INSL6: variants seen among roughly 807,000 people sequenced by gnomAD.
The protein encoded by INSL6 is insulin-like peptide INSL6.
Under a neutral mutation model 9.4 loss-of-function variants are expected in INSL6, and 16 were observed. The ratio of observed to expected loss-of-function variants is 1.70; its 90% CI spans 1.15 to 2.59. The LOEUF is 2.59. INSL6 is among the 30% of genes most tolerant of loss of function. The pLI, the probability that INSL6 is intolerant of heterozygous loss-of-function variation, is 0.00. For missense variants in INSL6, 391 were observed against 257.3 expected (o/e 1.52, Z -3.56); for synonymous variants, 154 against 96.9 (o/e 1.59, Z -3.46).
chr9:5,089,621 G>C, the INSL6 span: 1 of 603,726 alleles, frequency 1.7e-6, no homozygotes, highest in Non-Finnish European at 2.3e-6. Flanking sequence ...AAATTTATTT[G>C]TAATTTGCCT....
chr9:5,155,964 A>G (rs1460147765), intron 2 of INSL6, among the ~76,000 whole-genome samples: 3 of 152,196 alleles, frequency 2.0e-5, no homozygotes, highest in Non-Finnish European at 4.4e-5. Flanking sequence ...AACCTCAGCT[A>G]GAATAATCAA....
the INSL6 span, among the ~76,000 whole-genome samples, chr9:5,086,365 A>C: frequency 6.6e-6 from 1 of 151,566 alleles, no homozygotes; most frequent in Admixed American, 6.5e-5. Flanking sequence ...AATCCTCTTT[A>C]TTCCTTTTTC....
chr9:5,085,288 T>G, the INSL6 span: 1 of 712,590 alleles, frequency 1.4e-6, no homozygotes, highest in Non-Finnish European at 2.7e-6. Context: ...TTTGCCTATG[T>G]TAGAACATGA....
the INSL6 span, chr9:5,098,297 A>C: frequency 6.6e-6 from 1 of 152,202 alleles, no homozygotes; most frequent in Non-Finnish European, 1.5e-5. Flanking sequence ...TTCATTACGT[A>C]ACTTTGTCAA....
intron 1 of INSL6, among the ~76,000 whole-genome samples, chr9:5,178,817 A>T (rs890623882): frequency 1.3e-5 from 2 of 152,314 alleles, no homozygotes; most frequent in East Asian, 3.9e-4. Context: ...TGTAGGCTCA[A>T]AATTGAAACT....
At chr9:5,086,548 C>G in the INSL6 span, among the ~76,000 whole-genome samples, 1 of 152,150 alleles carries the variant, frequency 6.6e-6, no homozygotes, top group East Asian at 1.9e-4. Context: ...ATTGTTTTCT[C>G]ATCACCTTAC....
the INSL6 span, chr9:5,089,815 C>G: frequency 6.3e-7 from 1 of 1,593,130 alleles, no homozygotes; most frequent in Non-Finnish European, 8.5e-7. Context: ...CCTGAAATCC[C>G]TACAGCATGA....
chr9:5,029,414 G>A, the INSL6 span, among the ~76,000 whole-genome samples: 1 of 152,128 alleles, frequency 6.6e-6, no homozygotes, highest in African/African-American at 2.4e-5. Flanking sequence ...AAAAAAGTTT[G>A]AAGTATTGCA....
chr9:5,084,960 T>C, the INSL6 span: 4 of 699,416 alleles, frequency 5.7e-6, no homozygotes, highest in Non-Finnish European at 1.0e-5. Flanking sequence ...TTAGGCACAG[T>C]CTGAGATAGC....
chr9:5,114,304 C>T, the INSL6 span: 2 of 542,728 alleles, frequency 3.7e-6, no homozygotes, highest in Non-Finnish European at 3.6e-6. Flanking sequence ...CTGACTTGGT[C>T]CCAGGCCAGT....
At chr9:5,068,544 T>C in the INSL6 span, among the ~76,000 whole-genome samples, 1 of 152,160 alleles carries the variant, frequency 6.6e-6, no homozygotes, top group African/African-American at 2.4e-5. Context: ...TATACATTCT[T>C]AGGTAGAAAG....
At chr9:5,130,184 C>A (rs1027275949) in intron 3 of INSL6, among the ~76,000 whole-genome samples, 5 of 152,190 alleles carry the variant, frequency 3.3e-5, no homozygotes, top group African/African-American at 9.6e-5. Flanking sequence ...ATTTTTAAAA[C>A]GAGACCTTTA....
chr9:5,092,302 C>G, the INSL6 span, among the ~76,000 whole-genome samples: 1 of 152,072 alleles, frequency 6.6e-6, no homozygotes, highest in African/African-American at 2.4e-5. Flanking sequence ...CTGCCTGTCA[C>G]CCTCCGCAAA....
chr9:5,107,477 C>T, the INSL6 span, among the ~76,000 whole-genome samples: 26 of 152,182 alleles, frequency 1.7e-4, no homozygotes, highest in South Asian at 1.0e-3. Flanking sequence ...AATTACCTAA[C>T]AACAATAATC....
the INSL6 span, among the ~76,000 whole-genome samples, chr9:5,033,711 G>A: frequency 2.6e-5 from 4 of 152,124 alleles, no homozygotes; most frequent in East Asian, 7.7e-4. Flanking sequence ...GTCACCACCA[G>A]GCCTGCCCTA....
chr9:5,158,484 AG>A (rs1340178435), intron 2 of INSL6, among the ~76,000 whole-genome samples: 8 of 152,228 alleles, frequency 5.3e-5, no homozygotes, highest in Admixed American at 2.0e-4. Flanking sequence ...GCAAGAGAAA[AG>A]AAACAAACAA....
At chr9:5,062,309 G>T in the INSL6 span, among the ~76,000 whole-genome samples, 2 of 151,758 alleles carry the variant, frequency 1.3e-5, no homozygotes, top group Non-Finnish European at 2.9e-5. Context: ...TATTCTGAGG[G>T]ACAACTGTAC....
the INSL6 span, among the ~76,000 whole-genome samples, chr9:5,053,962 A>C: frequency 6.6e-6 from 1 of 152,092 alleles, no homozygotes; most frequent in African/African-American, 2.4e-5. Context: ...GAAGCACAGA[A>C]ATAAATTACC....
At chr9:5,093,054 C>G in the INSL6 span, among the ~76,000 whole-genome samples, 1 of 152,152 alleles carries the variant, frequency 6.6e-6, no homozygotes, top group Non-Finnish European at 1.5e-5. Context: ...TAACATTACA[C>G]TGGTCTAATC....
Sources: allele counts gnomAD v4.1 joint callset (sites outside exome capture counted in the v4.1 genomes callset), GRCh38; gene constraint gnomAD v4.1.1; transcripts MANE v1.5; gene names NCBI Gene and HGNC (gene_info 2026-07-23, HGNC 2026-07-21).